EIF3M: variants seen among roughly 807,000 people sequenced by gnomAD.
EIF3M encodes the protein eukaryotic translation initiation factor 3 subunit M, also known as B5 receptor.
Under a neutral mutation model 49.7 loss-of-function variants are expected in EIF3M, and 25 were observed. The observed-to-expected ratio is 0.50, with a 90% CI of 0.37 to 0.70. The LOEUF (loss-of-function observed/expected upper bound fraction) is 0.70. EIF3M is among the 30% of genes least tolerant of loss of function. The pLI, the probability that EIF3M is intolerant of heterozygous loss-of-function variation, is 0.00. For synonymous variants in EIF3M, 156 were observed against 149.8 expected (o/e 1.04, Z -0.30); for missense variants, 350 against 440.0 (o/e 0.80, Z 1.83).
At chr11:32,588,477 C>T (rs778723781) in intron 2 of EIF3M, 117 bp from the exon 3 acceptor site, 36 of 1,198,174 alleles carry the variant, frequency 3.0e-5, no homozygotes, top group Non-Finnish European at 3.7e-5. Flanking sequence ...TTTCTGAATG[C>T]GAAAGTGTCT....
In EIF3M at chr11:32,602,992, G is replaced by GGAGTT; in HGVS notation, c.*596_*600dup. 1 of 1,608,454 alleles carries GGAGTT rather than the reference G, an allele frequency of 6.2e-7. No individual in the cohort carries two copies. The highest frequency in any genetic ancestry group is 8.5e-7 in the Non-Finnish European group (1 of 1,178,528). The stretch of plus-strand genomic sequence containing the variant: ...GATTGCCTGCAAATGGCTTTGTAGT[G>GGAGTT]GAGTTGATATCAGAGGCTTTGTTTT... On this transcript the variant is annotated 3_prime_UTR_variant, in exon 11 of 11. Transcript: ENST00000531120.
At chr11:32,601,522 A>C in intron 9 of EIF3M, 1 of 257,592 alleles carries the variant, frequency 3.9e-6, no homozygotes, top group Non-Finnish European at 7.2e-6. Context: ...AAAAAAAAAA[A>C]ACAGCAAAAA....
In EIF3M at chr11:32,605,073, C is replaced by T. The variant is rs1301401380; in HGVS notation, c.*2674C>T. The T allele has an allele frequency of 2.6e-5, 4 of 151,000 alleles. No homozygotes were observed. The highest frequency in any genetic ancestry group is 7.3e-5 in the African/African-American group (3 of 41,008). 9.4% of individuals were successfully genotyped at this position (151,000 alleles called of 1,614,324 possible). A position where few individuals can be genotyped will look rare whatever the true frequency, so the allele number is the denominator to read the frequency against. Reference sequence around the variant, plus strand: ...TTCACTATGTTGTCCAGGCTGGTCTCGAACGCCTGACCTCATGATCCACCT... The same window carrying T: ...TTCACTATGTTGTCCAGGCTGGTCTTGAACGCCTGACCTCATGATCCACCT... On this transcript the variant is annotated 3_prime_UTR_variant, in exon 11 of 11. Transcript: ENST00000531120.
At chr11:32,588,869 C>A in intron 3 of EIF3M, 137 bp downstream of exon 3, 1 of 1,536,012 alleles carries the variant, frequency 6.5e-7, no homozygotes. Context: ...GGGCAAGTGG[C>A]TTGACCTTTC....
At chr11:32,596,102 C>T in intron 8 of EIF3M, 55 bp downstream of exon 8, 1 of 1,294,656 alleles carries the variant, frequency 7.7e-7, no homozygotes, top group Non-Finnish European at 1.1e-6. Context: ...GATACACTAA[C>T]AGTTATGTAC....
chr11:32,596,094 T>TA, intron 8 of EIF3M, 47 bp downstream of exon 8: 1 of 1,384,246 alleles, frequency 7.2e-7, no homozygotes, highest in South Asian at 1.4e-5. Context: ...GGGAACATGA[T>TA]ACACTAACAG....
intron 1 of EIF3M, 180 bp downstream of exon 1, chr11:32,584,109 C>G (rs1854952904): frequency 1.3e-6 from 1 of 765,860 alleles, no homozygotes; most frequent in Admixed American, 2.9e-5. Context: ...ACCAGCTCGC[C>G]GGCCGGCGGT....
At position 32,587,099 on chromosome 11, in the gene EIF3M, C is replaced by G. The variant is rs773564135; in HGVS notation, c.130C>G (p.Gln44Glu). The G allele has an allele frequency of 6.2e-7, 1 of 1,612,552 alleles. No homozygotes were observed. The highest frequency in any genetic ancestry group is 1.1e-5 in the South Asian group (1 of 90,902). The stretch of plus-strand genomic sequence containing the variant: ...AGGTGGACTTCATGTTGATTTAGCT[C>G]AAATTATTGAAGCCTGTGATGTGTG... Reference protein sequence around the residue: ...SEGGLHVDLAQIIEACDVCLK... With the variant: ...SEGGLHVDLAEIIEACDVCLK... Residue 44 changes from glutamine (Q) to glutamate (E), a missense_variant, in exon 2 of 11, where the codon CAA (glutamine) becomes GAA (glutamate). Coordinates refer to ENST00000531120, the MANE Select transcript of EIF3M (RefSeq NM_006360.6).
At chr11:32,585,389 G>T (rs1163559755) in intron 1 of EIF3M, among the ~76,000 whole-genome samples, 2 of 152,030 alleles carry the variant, frequency 1.3e-5, no homozygotes, top group Non-Finnish European at 2.9e-5. Context: ...TTCTGTTCTT[G>T]TAACATCAGT....
intron 1 of EIF3M, among the ~76,000 whole-genome samples, chr11:32,584,580 C>G (rs1389786669): frequency 7.8e-6 from 1 of 127,800 alleles, no homozygotes; most frequent in African/African-American, 3.0e-5. Context: ...TGCACTCCAG[C>G]CTGGGCGACA....
At chr11:32,600,890 C>A in intron 9 of EIF3M, 58 bp downstream of exon 9, 1 of 1,517,624 alleles carries the variant, frequency 6.6e-7, no homozygotes, top group Non-Finnish European at 8.8e-7. Flanking sequence ...CTACATGGAT[C>A]ATAGTAAGAT....
chr11:32,600,786 A>G lies in EIF3M; in HGVS notation c.897A>G (p.Gln299=). 2 of 1,611,556 alleles carry G rather than the reference A, an allele frequency of 1.2e-6. No individual in the cohort carries two copies. The highest frequency in any genetic ancestry group is 2.7e-5 in the African/African-American group (2 of 74,948). Residue 299 remains glutamine, a synonymous_variant, in exon 9 of 11, where the codon CAA becomes CAG. Coordinates refer to ENST00000531120, the MANE Select transcript of EIF3M (RefSeq NM_006360.6). ...AAATTTCTTTTGACACAATGCAGCA[A>G]GAACTTCAGATTGGAGCTGATGATG... ...NKEISFDTMQ[Q]ELQIGADDVE...
Position 32,600,697 on chromosome 11 carries a change from C to A in EIF3M, c.808C>A (p.His270Asn). The change falls in exon 9 of 11, where the codon CAT (histidine) becomes AAT (asparagine). Residue 270 changes from histidine (H) to asparagine (N), a missense_variant. Physicochemically the swap from His to Asn is moderately conservative, Grantham distance 68. Coordinates refer to ENST00000531120, the MANE Select transcript of EIF3M (RefSeq NM_006360.6). ...ACTATTCTGTTTTCTAGGCCTGTTACATGAACAGAATATGGCAAAAATGAG... is the reference window on the plus strand; with the variant it reads ...ACTATTCTGTTTTCTAGGCCTGTTAAATGAACAGAATATGGCAAAAATGAG... ...KDFIDSLGLL[H>N]EQNMAKMRLL... is the part of the protein sequence containing the mutation. The A allele has an allele frequency of 2.5e-6, 4 of 1,608,746 alleles. No individual in the cohort carries two copies. Among genetic ancestry groups the A allele is most frequent in the Non-Finnish European group, 3.4e-6 (4 of 1,177,244 alleles).
At position 32,588,528 on chromosome 11, in the gene EIF3M, C is replaced by T. The variant is rs1199270533; in HGVS notation, c.176-66C>T. The stretch of plus-strand genomic sequence containing the variant: ...TCATTGTATTAAAACACTGGAAATG[C>T]ATATTTAACTAGACGCATTGAGTAT... On this transcript the variant is annotated intron_variant, in intron 2 of 10. Transcript: ENST00000531120. 8 of 1,541,996 alleles carry T rather than the reference C, an allele frequency of 5.2e-6. No homozygotes were observed. In the East Asian group the frequency reaches 1.4e-4, roughly 26 times the overall value.
At chr11:32,591,403 T>C (rs1043576964) in intron 5 of EIF3M, among the ~76,000 whole-genome samples, 5 of 152,230 alleles carry the variant, frequency 3.3e-5, no homozygotes, top group African/African-American at 1.2e-4. Flanking sequence ...TTTTAATTTT[T>C]ATTGCAAAGT....
chr11:32,592,270 C>T (rs1422548025), intron 5 of EIF3M: 3 of 465,410 alleles, frequency 6.4e-6, no homozygotes, highest in Non-Finnish European at 1.2e-5. Flanking sequence ...TCACTAACGC[C>T]TGTTAATAGA....
chr11:32,592,308 A>G lies in EIF3M; in HGVS notation c.534-1558A>G, dbSNP rs1855115805. 6 of 530,820 alleles carry G rather than the reference A, an allele frequency of 1.1e-5. No individual in the cohort carries two copies. The Admixed American group carries it at 1.3e-4, about 11-fold the overall frequency. 32.9% of individuals were successfully genotyped at this position (530,820 alleles called of 1,614,324 possible). On this transcript the variant is annotated intron_variant, in intron 5 of 10. Transcript: ENST00000531120. Reference sequence around the variant, plus strand: ...GTTATTTCTGAACCACAATTTTATCATGATCATCAAAAGTTACAAAAGCAA... The same window carrying G: ...GTTATTTCTGAACCACAATTTTATCGTGATCATCAAAAGTTACAAAAGCAA...
intron 2 of EIF3M, among the ~76,000 whole-genome samples, chr11:32,587,864 T>A (rs1855024642): frequency 2.0e-5 from 3 of 152,114 alleles, no homozygotes; most frequent in Non-Finnish European, 4.4e-5. Flanking sequence ...TACAAAAAAA[T>A]TAGATTAAAT....
At position 32,603,201 on chromosome 11, in the gene EIF3M, ATCT is replaced by A; in HGVS notation, c.*805_*807del. ...GTGAATGTGTAGGCTTATGTAGTAG[ATCT>A]TCAAAATCTCTAATATATAACTGAA... On this transcript the variant is annotated 3_prime_UTR_variant, in exon 11 of 11. Transcript: ENST00000531120. 2.0e-6 allele frequency: 1 copy of A among 505,734 alleles called. No homozygotes were observed. The highest frequency in any genetic ancestry group is 3.4e-6 in the Non-Finnish European group (1 of 290,566). 31.3% of individuals were successfully genotyped at this position (505,734 alleles called of 1,614,324 possible). A position where few individuals can be genotyped will look rare whatever the true frequency, so the allele number is the denominator to read the frequency against.
Sources: gnomAD v4.1 joint callset for allele counts (sites outside exome capture counted in the v4.1 genomes callset) on GRCh38, gnomAD v4.1.1 for gene constraint, MANE v1.5 for transcripts, NCBI Gene and HGNC (gene_info 2026-07-23, HGNC 2026-07-21) for gene names.